The following LRRC4C variants were observed in gnomAD, a reference collection of about 807,000 sequenced individuals.
LRRC4C encodes the protein leucine rich repeat containing 4C.
In LRRC4C, 5 loss-of-function variants were observed where a neutral mutation model predicts 33.6. The observed-to-expected ratio is 0.15, with a 90% CI of 0.08 to 0.31. LRRC4C has a LOEUF of 0.31. Ranked by LOEUF, LRRC4C falls within the 10% of genes least tolerant of loss-of-function variation. LRRC4C has a pLI of 1.00. For missense variants in LRRC4C, 560 were observed against 796.7 expected (o/e 0.70, Z 3.58); for synonymous variants, 329 against 302.0 (o/e 1.09, Z -0.93).
chr11:40,261,668 T>G (rs2136264190), intron 4 of LRRC4C, among the ~76,000 whole-genome samples: 1 of 152,240 alleles, frequency 6.6e-6, no homozygotes, highest in East Asian at 1.9e-4. Flanking sequence ...CCCATAGCCC[T>G]AGAAACAAAA....
At chr11:41,394,506 A>C (rs1379444981) in intron 1 of LRRC4C, 1 of 151,922 alleles carries the variant, frequency 6.6e-6, no homozygotes, top group East Asian at 2.0e-4. Flanking sequence ...CAGCCTGGCT[A>C]CTGAGTGAAA....
intron 2 of LRRC4C, among the ~76,000 whole-genome samples, chr11:40,709,438 G>A (rs1235372390): frequency 6.6e-6 from 1 of 152,068 alleles, no homozygotes; most frequent in East Asian, 1.9e-4. Context: ...TGTCTGTAAA[G>A]GATTTTATTT....
chr11:41,431,837 A>G (rs1440290343), intron 1 of LRRC4C, among the ~76,000 whole-genome samples: 2 of 152,154 alleles, frequency 1.3e-5, no homozygotes, highest in African/African-American at 2.4e-5. Context: ...GCCAATAGGT[A>G]TATGCGATTT....
At chr11:40,910,210 A>G (rs1248668875) in intron 2 of LRRC4C, among the ~76,000 whole-genome samples, 1 of 152,162 alleles carries the variant, frequency 6.6e-6, no homozygotes, top group Non-Finnish European at 1.5e-5. Flanking sequence ...ACCTTCTCTG[A>G]GATATGGACT....
chr11:41,147,328 T>C (rs1361489165), intron 1 of LRRC4C, among the ~76,000 whole-genome samples: 4 of 152,290 alleles, frequency 2.6e-5, no homozygotes, highest in African/African-American at 9.6e-5. Flanking sequence ...TGTTCATCAA[T>C]GCCAGTGCTT....
At chr11:41,445,867 T>TGTGTGTGTGTGTGTGTGG (rs1491369738) in intron 1 of LRRC4C, among the ~76,000 whole-genome samples, 2 of 108,042 alleles carry the variant, frequency 1.9e-5, no homozygotes, top group Non-Finnish European at 4.1e-5. Context: ...AGTGACTGCA[T>TGTGTGTGTGTGTGTGTGG]GTGTGTGTGT....
intron 1 of LRRC4C, among the ~76,000 whole-genome samples, chr11:41,024,497 G>A (rs1036462478): frequency 7.3e-5 from 11 of 151,704 alleles, no homozygotes; most frequent in Middle Eastern, 3.4e-3. Flanking sequence ...TCTCACAGTC[G>A]TCTTCCAAGA....
At chr11:40,707,397 T>C (rs570723459) in intron 2 of LRRC4C, among the ~76,000 whole-genome samples, 3 of 152,326 alleles carry the variant, frequency 2.0e-5, no homozygotes, top group Admixed American at 2.0e-4. Flanking sequence ...AATACCTAGT[T>C]TATTGACAGT....
At chr11:40,747,027 C>T (rs187957313) in intron 2 of LRRC4C, among the ~76,000 whole-genome samples, 1 of 152,298 alleles carries the variant, frequency 6.6e-6, no homozygotes, top group East Asian at 1.9e-4. Flanking sequence ...AATAAGCCAC[C>T]TGGTGGCTCG....
chr11:40,222,631 C>A (rs1198490377), intron 5 of LRRC4C, among the ~76,000 whole-genome samples: 1 of 152,152 alleles, frequency 6.6e-6, no homozygotes, highest in Non-Finnish European at 1.5e-5. Flanking sequence ...TTGAATAAAG[C>A]AGTGGATTTC....
At chr11:40,169,484 G>A (rs1859866748) in intron 5 of LRRC4C, among the ~76,000 whole-genome samples, 1 of 152,102 alleles carries the variant, frequency 6.6e-6, no homozygotes, top group African/African-American at 2.4e-5. Context: ...ACAAATTTAT[G>A]TAATTACTTA....
intron 2 of LRRC4C, among the ~76,000 whole-genome samples, chr11:40,895,786 T>A (rs976433410): frequency 6.6e-6 from 1 of 152,232 alleles, no homozygotes; most frequent in Admixed American, 6.5e-5. Context: ...TGATTTTAAG[T>A]ATTATTATCT....
At chr11:40,285,654 G>A (rs891086739) in intron 4 of LRRC4C, among the ~76,000 whole-genome samples, 1 of 152,166 alleles carries the variant, frequency 6.6e-6, no homozygotes, top group Non-Finnish European at 1.5e-5. Context: ...GGAAATGACT[G>A]AGGACTGACA....
intron 3 of LRRC4C, among the ~76,000 whole-genome samples, chr11:40,327,793 A>G (rs927707410): frequency 6.6e-6 from 1 of 152,060 alleles, no homozygotes; most frequent in Non-Finnish European, 1.5e-5. Flanking sequence ...TGGTTTCACT[A>G]CACTCTACAT....
intron 1 of LRRC4C, among the ~76,000 whole-genome samples, chr11:40,934,111 A>G (rs1957758695): frequency 6.6e-6 from 1 of 152,202 alleles, no homozygotes; most frequent in African/African-American, 2.4e-5. Flanking sequence ...GTTTAAACAT[A>G]CTGTGCCTTT....
chr11:40,634,719 A>AT (rs1241848261), intron 3 of LRRC4C, among the ~76,000 whole-genome samples: 4 of 148,354 alleles, frequency 2.7e-5, no homozygotes, highest in Non-Finnish European at 4.4e-5. Context: ...AAATAAGAAA[A>AT]TAAAAAAAAA....
In LRRC4C at chr11:41,344,276, G is replaced by A. The variant is rs559129980; in HGVS notation, c.-496+115155C>T. ...GAGTCTTGCTCTGTCACCCAGGCTG[G>A]AGTGCAGTGGTGCAGTCTCTGCTCG... On this transcript the variant is annotated intron_variant, in intron 1 of 6. Transcript: ENST00000528697. Among the ~76,000 whole-genome samples the A allele has an allele frequency of 1.1e-4, 16 of 148,572 alleles. No homozygotes were observed. In the South Asian group the frequency reaches 3.4e-3, roughly 32 times the overall value.
rs577308699 is a variant in LRRC4C at position 40,796,989 on chromosome 11, A to G, written c.-407+136646T>C. 2.2e-4 allele frequency among the ~76,000 whole-genome samples: 33 copies of G among 152,290 alleles called. 1 individual carries two copies. Among genetic ancestry groups the G allele is most frequent in the South Asian group, 1.7e-3 (8 of 4,834 alleles). ...TAGACCACTATTACTATCACACGCT[A>G]TAGAACTTGAGCAATATCTCTGGAT... On this transcript the variant is annotated intron_variant, in intron 2 of 6. Coordinates refer to ENST00000528697, the MANE Select transcript of LRRC4C (RefSeq NM_001258419.2).
At chr11:41,266,033 C>T (rs113852772) in intron 1 of LRRC4C, among the ~76,000 whole-genome samples, 276 of 152,034 alleles carry the variant, frequency 1.8e-3, no homozygotes, top group African/African-American at 6.1e-3. Context: ...AAGAAAATGA[C>T]GATAAAATTT....
Sources: allele counts gnomAD v4.1 joint callset (sites outside exome capture counted in the v4.1 genomes callset), GRCh38; gene constraint gnomAD v4.1.1; transcripts MANE v1.5; gene names NCBI Gene and HGNC (gene_info 2026-07-23, HGNC 2026-07-21).